Variants in MGAT4C observed in about 807,000 individuals in gnomAD.
MGAT4C encodes MGAT4 family member C.
In MGAT4C, 19 loss-of-function variants were observed where a neutral mutation model predicts 40.1. That is an observed-to-expected ratio of 0.47 (90% CI 0.33 to 0.70). The LOEUF (loss-of-function observed/expected upper bound fraction) is 0.70. Ranked by LOEUF, MGAT4C falls within the 30% of genes least tolerant of loss-of-function variation. The pLI, the probability that MGAT4C is intolerant of heterozygous loss-of-function variation, is 0.02. For missense variants in MGAT4C, 491 were observed against 563.2 expected, an observed-to-expected ratio of 0.87 and a Z score of 1.30; for synonymous variants, 181 against 187.1, an observed-to-expected ratio of 0.97 and a Z score of 0.27.
chr12:86,188,979 C>T (rs528478809), intron 1 of MGAT4C, among the ~76,000 whole-genome samples: 72 of 151,858 alleles, frequency 4.7e-4, no homozygotes, highest in African/African-American at 1.6e-3. Flanking sequence ...GTTAGGGTAA[C>T]TAGACAGGTT....
intron 2 of MGAT4C, among the ~76,000 whole-genome samples, chr12:86,022,112 C>T (rs117111470): frequency 9.2e-5 from 14 of 152,228 alleles, no homozygotes; most frequent in Non-Finnish European, 1.3e-4. Flanking sequence ...TTCACTCAAA[C>T]ATTTATTGAG....
chr12:86,133,968 A>G (rs1226139812), intron 1 of MGAT4C, among the ~76,000 whole-genome samples: 4 of 152,070 alleles, frequency 2.6e-5, no homozygotes, highest in Non-Finnish European at 5.9e-5. Flanking sequence ...TCCTAATTTT[A>G]CGTCACTATA....
At chr12:86,641,745 G>T (rs191100634) in intron 2 of MGAT4C, among the ~76,000 whole-genome samples, 1 of 151,742 alleles carries the variant, frequency 6.6e-6, no homozygotes, top group Admixed American at 6.6e-5. Context: ...AACATCTGAT[G>T]AAAGCAAAGG....
intron 2 of MGAT4C, among the ~76,000 whole-genome samples, chr12:86,662,703 A>G (rs1483456872): frequency 6.6e-6 from 1 of 152,168 alleles, no homozygotes; most frequent in Non-Finnish European, 1.5e-5. Flanking sequence ...AGTGTATGAC[A>G]GAGTGGATGG....
chr12:86,806,449 T>TGTGTGAGA (rs5799800), intron 1 of MGAT4C, among the ~76,000 whole-genome samples: 3,898 of 149,984 alleles, frequency 0.026, 158 homozygotes, highest in African/African-American at 0.086. Context: ...TGTGTGTGTG[T>TGTGTGAGA]GAGAGAGAGA....
At chr12:85,998,906 C>T (rs574764924) in intron 2 of MGAT4C, among the ~76,000 whole-genome samples, 97 of 152,294 alleles carry the variant, frequency 6.4e-4, no homozygotes, top group Non-Finnish European at 8.8e-4. Flanking sequence ...CAGCAGCGCT[C>T]CCCACTCTAC....
chr12:86,077,839 G>A (rs918853361), intron 1 of MGAT4C, among the ~76,000 whole-genome samples: 1 of 152,120 alleles, frequency 6.6e-6, no homozygotes, highest in African/African-American at 2.4e-5. Context: ...GTAGTAGACT[G>A]ATTTCTTCCT....
intron 2 of MGAT4C, among the ~76,000 whole-genome samples, chr12:86,008,302 C>T (rs899683660): frequency 3.3e-5 from 5 of 151,976 alleles, no homozygotes; most frequent in African/African-American, 1.2e-4. Context: ...TATTTATTTA[C>T]ATTTATTCAG....
chr12:86,157,605 GA>G (rs776049103), intron 1 of MGAT4C, among the ~76,000 whole-genome samples: 12 of 150,282 alleles, frequency 8.0e-5, no homozygotes, highest in Non-Finnish European at 1.8e-4. Context: ...TATTTATAAA[GA>G]AAAGAAAAAA....
At position 86,386,467 on chromosome 12, in the gene MGAT4C, C is replaced by G. The variant is rs75058794; in HGVS notation, c.-120+48690G>C. ...TCACTGATGAATAAGCTTCCCTTGTCTTATATGGAGAAGTCTTGGACCGTT... is the reference window on the plus strand; with the variant it reads ...TCACTGATGAATAAGCTTCCCTTGTGTTATATGGAGAAGTCTTGGACCGTT... On this transcript the variant is annotated intron_variant, in intron 3 of 7. Coordinates refer to the MGAT4C transcript ENST00000548651. Among the ~76,000 whole-genome samples, 744 of 152,290 alleles carry G rather than the reference C, an allele frequency of 4.9e-3. 8 individuals carry two copies. The highest frequency in any genetic ancestry group is 0.017 in the African/African-American group (694 of 41,570).
intron 1 of MGAT4C, among the ~76,000 whole-genome samples, chr12:86,787,672 G>GAGAA (rs1394730404): frequency 6.6e-6 from 1 of 152,184 alleles, no homozygotes; most frequent in East Asian, 1.9e-4. Flanking sequence ...CACTGTTGGT[G>GAGAA]AGAAGGCAAA....
rs543253686 is a variant in MGAT4C at position 86,601,117 on chromosome 12, G to T, written c.-229+126092C>A. 2.0e-5 allele frequency: 3 copies of T among 152,642 alleles called. No individual in the cohort carries two copies. In the East Asian group the frequency reaches 5.8e-4, roughly 30 times the overall value. 9.5% of individuals were successfully genotyped at this position (152,642 alleles called of 1,614,324 possible). Reference sequence around the variant, plus strand: ...GGAAGAGAGGCTGGGGGCTGACGGTGGCTCGGTGCGGGCCTACAGGCACCC... The same window carrying T: ...GGAAGAGAGGCTGGGGGCTGACGGTTGCTCGGTGCGGGCCTACAGGCACCC... On this transcript the variant is annotated intron_variant, in intron 2 of 7. Transcript: ENST00000548651.
intron 4 of MGAT4C, among the ~76,000 whole-genome samples, chr12:86,276,548 C>T (rs1953086037): frequency 6.6e-6 from 1 of 152,034 alleles, no homozygotes; most frequent in South Asian, 2.1e-4. Context: ...TTTTTGTACT[C>T]ATTAACCATA....
chr12:86,266,091 A>G (rs2136101856), intron 4 of MGAT4C, among the ~76,000 whole-genome samples: 1 of 152,324 alleles, frequency 6.6e-6, no homozygotes, highest in Admixed American at 6.5e-5. Context: ...AAGCAAAGAT[A>G]ACTTGACTTG....
chr12:86,326,149 AT>A (rs1388625489), intron 4 of MGAT4C, among the ~76,000 whole-genome samples: 1 of 152,068 alleles, frequency 6.6e-6, no homozygotes, highest in Non-Finnish European at 1.5e-5. Context: ...ATATTTTTAT[AT>A]TAAGCGGCCA....
At chr12:86,749,488 T>C (rs1160535076) in intron 1 of MGAT4C, among the ~76,000 whole-genome samples, 1 of 151,710 alleles carries the variant, frequency 6.6e-6, no homozygotes, top group African/African-American at 2.4e-5. Flanking sequence ...AAAAGACAGT[T>C]CATTGCCCTC....
chr12:86,571,220 C>A, intron 2 of MGAT4C, among the ~76,000 whole-genome samples: 1 of 152,084 alleles, frequency 6.6e-6, no homozygotes, highest in East Asian at 1.9e-4. Context: ...TTCTAAAATA[C>A]TTTTAATGTA....
intron 2 of MGAT4C, among the ~76,000 whole-genome samples, chr12:86,602,900 G>C (rs1485402903): frequency 6.6e-6 from 1 of 151,878 alleles, no homozygotes; most frequent in African/African-American, 2.4e-5. Context: ...GTGTGTGTGT[G>C]TGTGTGTGTG....
intron 1 of MGAT4C, among the ~76,000 whole-genome samples, chr12:86,757,063 G>A (rs959584394): frequency 6.6e-6 from 1 of 151,990 alleles, no homozygotes; most frequent in African/African-American, 2.4e-5. Context: ...CAGGTCCTTT[G>A]CAGGGACATG....
Sources: gnomAD v4.1 joint callset for allele counts (sites outside exome capture counted in the v4.1 genomes callset) on GRCh38, gnomAD v4.1.1 for gene constraint, MANE v1.5 for transcripts, NCBI Gene and HGNC (gene_info 2026-07-23, HGNC 2026-07-21) for gene names.